SLX4IP: variants seen among roughly 807,000 people sequenced by gnomAD.
SLX4IP encodes SLX4 interacting protein, also known as protein SLX4IP.
A neutral mutation model predicts 32.9 loss-of-function variants in SLX4IP; 34 were observed. The ratio of observed to expected loss-of-function variants is 1.03; its 90% CI spans 0.79 to 1.38. The LOEUF (loss-of-function observed/expected upper bound fraction) is 1.38, where lower values mean the gene tolerates loss of function less well. Among genes scored for constraint, SLX4IP ranks in the 40% most tolerant of loss-of-function variants. The probability of loss-of-function intolerance (pLI) is 0.00; values close to 1 mark genes in which losing one functional copy is unlikely to be tolerated. For synonymous variants in SLX4IP, 172 were observed against 171.7 expected, an observed-to-expected ratio of 1.00 and a Z score of -0.01; for missense variants, 444 against 479.0, an observed-to-expected ratio of 0.93 and a Z score of 0.68.
At chr20:10,528,781 C>T (rs1226918965) in intron 2 of SLX4IP, among the ~76,000 whole-genome samples, 1 of 152,162 alleles carries the variant, frequency 6.6e-6, no homozygotes, top group East Asian at 1.9e-4. Context: ...CAGTGTTTGC[C>T]CCACTGGTCA....
chr20:10,450,747 C>T (rs2065234320), intron 1 of SLX4IP, among the ~76,000 whole-genome samples: 1 of 152,138 alleles, frequency 6.6e-6, no homozygotes, highest in African/African-American at 2.4e-5. Context: ...CATCGAAGGC[C>T]TAGTGGTTTT....
In SLX4IP at chr20:10,586,380, A is replaced by G. The variant is rs374331533; in HGVS notation, c.239-12295A>G. Reference sequence around the variant, plus strand: ...ATTACTTGATTGGTTATAGCTAGGCATTTGCCTTATTTGGATATGGTTCAA... The same window carrying G: ...ATTACTTGATTGGTTATAGCTAGGCGTTTGCCTTATTTGGATATGGTTCAA... On this transcript the variant is annotated intron_variant, in intron 4 of 7. Coordinates refer to ENST00000334534, the MANE Select transcript of SLX4IP (RefSeq NM_001009608.3). 1.3e-4 allele frequency among the ~76,000 whole-genome samples: 20 copies of G among 152,312 alleles called. No individual in the cohort carries two copies. The East Asian group carries it at 3.1e-3, about 24-fold the overall frequency.
intron 2 of SLX4IP, among the ~76,000 whole-genome samples, chr20:10,501,835 T>C (rs549941988): frequency 2.6e-5 from 4 of 152,328 alleles, no homozygotes; most frequent in African/African-American, 9.6e-5. Context: ...GACAACTTTT[T>C]AAAAAAAATC....
intron 4 of SLX4IP, among the ~76,000 whole-genome samples, chr20:10,584,863 T>C (rs1221046483): frequency 6.6e-6 from 1 of 152,118 alleles, no homozygotes; most frequent in Non-Finnish European, 1.5e-5. Flanking sequence ...AGTGAATGCA[T>C]CAAAAATGGG....
intron 6 of SLX4IP, among the ~76,000 whole-genome samples, chr20:10,618,191 G>A (rs1043980215): frequency 3.9e-5 from 6 of 152,062 alleles, no homozygotes; most frequent in Admixed American, 2.6e-4. Flanking sequence ...CTTCATCCTT[G>A]GGGTACTGGT....
At chr20:10,457,603 G>A (rs2065296774) in intron 1 of SLX4IP, among the ~76,000 whole-genome samples, 1 of 151,926 alleles carries the variant, frequency 6.6e-6, no homozygotes, top group Admixed American at 6.6e-5. Flanking sequence ...TGCTATGTTT[G>A]ATTTTCTAGT....
intron 6 of SLX4IP, chr20:10,613,539 C>T (rs2066992247): frequency 6.2e-7 from 1 of 1,611,364 alleles, no homozygotes; most frequent in Non-Finnish European, 8.5e-7. Context: ...TTCCTTTTGC[C>T]AATCCTTTTG....
intron 2 of SLX4IP, among the ~76,000 whole-genome samples, chr20:10,486,433 G>T (rs533724154): frequency 6.6e-6 from 1 of 152,100 alleles, no homozygotes; most frequent in Non-Finnish European, 1.5e-5. Context: ...GAAGAATCAA[G>T]AACTGAAAGA....
rs1410909200 is a variant in SLX4IP at position 10,537,783 on chromosome 20, G to A, written c.28-18448G>A. ...AATTACCCAAAATAAAAATGGTTAG[G>A]TAACAAGGTCTCTCAAGAGAAAGGA... On this transcript the variant is annotated intron_variant, in intron 2 of 7. Transcript: ENST00000334534. 2.0e-5 allele frequency among the ~76,000 whole-genome samples: 3 copies of A among 152,158 alleles called. No homozygotes were observed. The East Asian group carries it at 5.8e-4, about 29-fold the overall frequency.
chr20:10,537,525 G>A (rs1847895224), intron 2 of SLX4IP, among the ~76,000 whole-genome samples: 1 of 152,208 alleles, frequency 6.6e-6, no homozygotes, highest in South Asian at 2.1e-4. Flanking sequence ...GGCCCGAAGA[G>A]TATCACAGAT....
At chr20:10,473,850 TCTTGCTCTGTCGC>T (rs2065449462) in intron 2 of SLX4IP, among the ~76,000 whole-genome samples, 1 of 147,882 alleles carries the variant, frequency 6.8e-6, no homozygotes. Flanking sequence ...TTGAAAGGAG[TCTTGCTCTGTCGC>T]CCAGGCTAGA....
At position 10,472,463 on chromosome 20, in the gene SLX4IP, C is replaced by T. The variant is rs59631130; in HGVS notation, c.27+14232C>T. 5.0e-3 allele frequency among the ~76,000 whole-genome samples: 755 copies of T among 152,274 alleles called. 6 individuals are homozygous for T. Among genetic ancestry groups the T allele is most frequent in the African/African-American group, 0.017 (719 of 41,544 alleles). ...GCCAGGATGGTCTTGATCTCCTGAC[C>T]TCGTGATCTGCGTGCCTTGGACTCC... On this transcript the variant is annotated intron_variant, in intron 2 of 7. Coordinates refer to ENST00000334534, the MANE Select transcript of SLX4IP (RefSeq NM_001009608.3).
intron 2 of SLX4IP, among the ~76,000 whole-genome samples, chr20:10,477,498 C>T (rs2065485697): frequency 6.6e-6 from 1 of 152,098 alleles, no homozygotes; most frequent in African/African-American, 2.4e-5. Context: ...AACTCCTGAC[C>T]TCAGGTGATC....
chr20:10,495,944 T>C (rs1482742034), intron 2 of SLX4IP, among the ~76,000 whole-genome samples: 1 of 152,092 alleles, frequency 6.6e-6, no homozygotes, highest in Non-Finnish European at 1.5e-5. Context: ...TTTGGTTAAA[T>C]TTTTAAAGAC....
intron 4 of SLX4IP, among the ~76,000 whole-genome samples, chr20:10,580,874 T>C (rs754028517): frequency 3.9e-5 from 6 of 152,086 alleles, no homozygotes; most frequent in Non-Finnish European, 8.8e-5. Context: ...TATACAGACA[T>C]ATATACTCCA....
chr20:10,437,292 C>T (rs576930039), intron 1 of SLX4IP, among the ~76,000 whole-genome samples: 1 of 152,262 alleles, frequency 6.6e-6, no homozygotes, highest in Admixed American at 6.5e-5. Context: ...ACCCAGCTGC[C>T]TTCTGTCTTT....
At chr20:10,515,302 C>A (rs1034686249) in intron 2 of SLX4IP, among the ~76,000 whole-genome samples, 2 of 152,014 alleles carry the variant, frequency 1.3e-5, no homozygotes, top group African/African-American at 2.4e-5. Flanking sequence ...CCAGGCTGTT[C>A]TCGAACTCCT....
intron 2 of SLX4IP, among the ~76,000 whole-genome samples, chr20:10,546,926 G>C (rs2066168029): frequency 6.6e-6 from 1 of 152,204 alleles, no homozygotes; most frequent in Admixed American, 6.5e-5. Flanking sequence ...CCCCCAGAGA[G>C]CCTATTCCCA....
intron 2 of SLX4IP, among the ~76,000 whole-genome samples, chr20:10,477,404 A>G (rs1327613811): frequency 6.6e-6 from 1 of 152,144 alleles, no homozygotes; most frequent in East Asian, 1.9e-4. Flanking sequence ...TTGGCCTCCC[A>G]AAGTGCTAGG....
Sources: allele counts gnomAD v4.1 joint callset (sites outside exome capture counted in the v4.1 genomes callset), GRCh38; gene constraint gnomAD v4.1.1; transcripts MANE v1.5; gene names NCBI Gene and HGNC (gene_info 2026-07-23, HGNC 2026-07-21).